Variants in HEATR5A observed in about 807,000 individuals in gnomAD.
HEATR5A encodes HEAT repeat containing 5A.
Under a neutral mutation model 218.8 loss-of-function variants are expected in HEATR5A, and 178 were observed. That is an observed-to-expected ratio of 0.81 (90% CI 0.72 to 0.92). The LOEUF is 0.92. HEATR5A is among the 40% of genes least tolerant of loss of function. The pLI is 0.00. For missense variants in HEATR5A, 2,420 were observed against 2,418.9 expected, an observed-to-expected ratio of 1.00 and a Z score of -0.01; for synonymous variants, 864 against 871.6, an observed-to-expected ratio of 0.99 and a Z score of 0.15.
intron 22 of HEATR5A, among the ~76,000 whole-genome samples, chr14:31,335,485 C>T (rs1315200337): frequency 6.6e-6 from 1 of 151,850 alleles, no homozygotes; most frequent in African/African-American, 2.4e-5. Context: ...ACAACTTGGG[C>T]CAGCTCCCTA....
intron 14 of HEATR5A, among the ~76,000 whole-genome samples, chr14:31,363,142 G>C (rs1937200308): frequency 6.6e-6 from 1 of 151,894 alleles, no homozygotes. Context: ...CGGAGGCTGA[G>C]GCAGGAGAAT....
intron 31 of HEATR5A, 81 bp downstream of exon 31, chr14:31,306,651 A>C: frequency 7.3e-7 from 1 of 1,360,628 alleles, no homozygotes; most frequent in Non-Finnish European, 9.8e-7. Context: ...AAGATTATCA[A>C]AACTATATAG....
intron 12 of HEATR5A, among the ~76,000 whole-genome samples, chr14:31,373,761 G>A (rs982227473): frequency 3.6e-4 from 54 of 151,908 alleles, no homozygotes; most frequent in African/African-American, 1.1e-3. Context: ...ATGCCACACC[G>A]AGTGTGCCTA....
chr14:31,362,124 C>T (rs1845427320), intron 14 of HEATR5A, among the ~76,000 whole-genome samples: 1 of 151,932 alleles, frequency 6.6e-6, no homozygotes, highest in Non-Finnish European at 1.5e-5. Flanking sequence ...GCCACCATGC[C>T]CAGCTAATTA....
intron 23 of HEATR5A, among the ~76,000 whole-genome samples, chr14:31,324,410 G>A (rs1344295305): frequency 4.6e-5 from 7 of 152,138 alleles, no homozygotes; most frequent in Non-Finnish European, 1.0e-4. Context: ...TGGAACTAAT[G>A]CTATGAAACA....
intron 7 of HEATR5A, among the ~76,000 whole-genome samples, chr14:31,387,684 C>T (rs879272355): frequency 5.9e-5 from 9 of 151,942 alleles, no homozygotes; most frequent in Non-Finnish European, 1.0e-4. Flanking sequence ...CTCAACCTCT[C>T]GAGTAGCTGG....
chr14:31,393,883 G>C (rs1441230078), intron 6 of HEATR5A, among the ~76,000 whole-genome samples, 169 bp downstream of exon 6: 1 of 152,110 alleles, frequency 6.6e-6, no homozygotes, highest in Non-Finnish European at 1.5e-5. Context: ...TGTGACCTCA[G>C]GTGATCCACC....
intron 27 of HEATR5A, among the ~76,000 whole-genome samples, chr14:31,315,266 G>A (rs1595088608): frequency 6.6e-6 from 1 of 152,070 alleles, no homozygotes; most frequent in Non-Finnish European, 1.5e-5. Context: ...AATACTATTA[G>A]GTCTACTTTT....
chr14:31,317,721 T>C (rs1899958658), intron 26 of HEATR5A, among the ~76,000 whole-genome samples: 1 of 152,180 alleles, frequency 6.6e-6, no homozygotes, highest in Non-Finnish European at 1.5e-5. Context: ...ATCTAAACTA[T>C]CCTGAGACAG....
In HEATR5A at chr14:31,399,311, T is replaced by C. The variant is rs547691555; in HGVS notation, c.339-530A>G. ...ATAATAAGGATGTATCAATCTGTGA[T>C]TACTCTACTATTCAGCCCAAAGATT... On this transcript the variant is annotated intron_variant, in intron 3 of 35. Coordinates refer to ENST00000543095, the MANE Select transcript of HEATR5A (RefSeq NM_015473.4). 1.8e-4 allele frequency among the ~76,000 whole-genome samples: 27 copies of C among 152,338 alleles called. No homozygotes were observed. In the South Asian group the frequency reaches 2.7e-3, roughly 15 times the overall value.
intron 25 of HEATR5A, 55 bp downstream of exon 25, chr14:31,321,444 A>G (rs371208891): frequency 1.4e-6 from 2 of 1,404,838 alleles, no homozygotes; most frequent in Non-Finnish European, 1.9e-6. Flanking sequence ...GCCTGGCCTC[A>G]TAGACTTTTT....
At chr14:31,380,726 G>A (rs1595157439) in intron 10 of HEATR5A, 148 bp from the exon 11 acceptor site, 2 of 602,578 alleles carry the variant, frequency 3.3e-6, no homozygotes, top group Non-Finnish European at 2.9e-6. Context: ...CTACATAATA[G>A]GACTGTCATA....
At chr14:31,342,184 C>T (rs1415060273) in intron 21 of HEATR5A, among the ~76,000 whole-genome samples, 1 of 151,976 alleles carries the variant, frequency 6.6e-6, no homozygotes. Context: ...ACCAGAAGTT[C>T]AAGACCAGCC....
chr14:31,402,371 T>A (rs1388365384), intron 2 of HEATR5A, among the ~76,000 whole-genome samples: 2 of 152,200 alleles, frequency 1.3e-5, no homozygotes, highest in Non-Finnish European at 2.9e-5. Context: ...GTGAAGGGTA[T>A]GAGTGATCAG....
At chr14:31,309,256 T>C (rs1899656062) in intron 28 of HEATR5A, 74 bp from the exon 29 acceptor site, 13 of 1,514,310 alleles carry the variant, frequency 8.6e-6, no homozygotes, top group Admixed American at 7.3e-5. Context: ...TTACAAGATA[T>C]AGACCATTTC....
intron 33 of HEATR5A, among the ~76,000 whole-genome samples, chr14:31,298,935 T>C (rs1222369846): frequency 3.9e-5 from 6 of 152,198 alleles, no homozygotes; most frequent in African/African-American, 1.4e-4. Context: ...CTCACCACTG[T>C]GAGCTCTATC....
chr14:31,367,499 A>C (rs1365542806), intron 13 of HEATR5A, among the ~76,000 whole-genome samples: 1 of 150,618 alleles, frequency 6.6e-6, no homozygotes, highest in Non-Finnish European at 1.5e-5. Context: ...TCCTCGTTTC[A>C]GACTATTCTC....
chr14:31,382,345 T>C (rs1264101090), intron 10 of HEATR5A, among the ~76,000 whole-genome samples: 1 of 152,220 alleles, frequency 6.6e-6, no homozygotes, highest in Non-Finnish European at 1.5e-5. Context: ...GTTCAAGTTA[T>C]GGAATGGTCT....
intron 4 of HEATR5A, among the ~76,000 whole-genome samples, chr14:31,396,132 C>T (rs533842106): frequency 3.9e-5 from 6 of 152,050 alleles, no homozygotes; most frequent in Admixed American, 2.0e-4. Flanking sequence ...CAAGGTGGGC[C>T]GATTGCTTGA....
Sources: allele counts gnomAD v4.1 joint callset (sites outside exome capture counted in the v4.1 genomes callset), GRCh38; gene constraint gnomAD v4.1.1; transcripts MANE v1.5; gene names NCBI Gene and HGNC (gene_info 2026-07-23, HGNC 2026-07-21).